The following BTBD9 variants were observed in gnomAD, a reference collection of about 807,000 sequenced individuals.
The protein encoded by BTBD9 is BTB/POZ domain-containing protein 9.
Under a neutral mutation model 64.3 loss-of-function variants are expected in BTBD9, and 49 were observed. That is an observed-to-expected ratio of 0.76 (90% CI 0.61 to 0.97). The LOEUF (loss-of-function observed/expected upper bound fraction) is 0.97, where lower values mean the gene tolerates loss of function less well. BTBD9 is among the 50% of genes least tolerant of loss of function. The probability of loss-of-function intolerance (pLI) is 0.00; values close to 1 mark genes in which losing one functional copy is unlikely to be tolerated. For synonymous variants in BTBD9, 260 were observed against 274.7 expected, an observed-to-expected ratio of 0.95 and a Z score of 0.53; for missense variants, 598 against 762.1, an observed-to-expected ratio of 0.78 and a Z score of 2.53.
intron 4 of BTBD9, chr6:38,587,678 A>G (rs1776597909): frequency 3.2e-6 from 2 of 618,194 alleles, no homozygotes; most frequent in Non-Finnish European, 6.2e-6. Flanking sequence ...AATAAAGTGA[A>G]TCACTTATTG....
intron 9 of BTBD9, among the ~76,000 whole-genome samples, chr6:38,232,874 G>T (rs1011692440): frequency 6.6e-6 from 1 of 152,128 alleles, no homozygotes; most frequent in South Asian, 2.1e-4. Context: ...CTATAGCCCA[G>T]GCTAAACCTG....
At chr6:38,302,492 T>C (rs1762445987) in intron 7 of BTBD9, among the ~76,000 whole-genome samples, 1 of 33,668 alleles carries the variant, frequency 3.0e-5, no homozygotes, top group African/African-American at 9.0e-5. Context: ...TATGTATATA[T>C]ATATATATAT....
chr6:38,518,218 G>A lies in BTBD9; in HGVS notation c.1154+59382C>T, dbSNP rs540083603. Reference sequence around the variant, plus strand: ...GACAAGATCAGGCATTTTCATTAAGGAATAATGCTGTGTAACAGATGTTGT... The same window carrying A: ...GACAAGATCAGGCATTTTCATTAAGAAATAATGCTGTGTAACAGATGTTGT... On this transcript the variant is annotated intron_variant, in intron 6 of 10. Coordinates refer to ENST00000481247, the MANE Select transcript of BTBD9 (RefSeq NM_001099272.2). Among the ~76,000 whole-genome samples, 8 of 152,134 alleles carry A rather than the reference G, an allele frequency of 5.3e-5. No homozygotes were observed. The South Asian group carries it at 1.5e-3, about 28-fold the overall frequency.
intron 7 of BTBD9, among the ~76,000 whole-genome samples, chr6:38,316,898 C>G (rs1430556441): frequency 6.6e-6 from 1 of 152,140 alleles, no homozygotes; most frequent in Non-Finnish European, 1.5e-5. Flanking sequence ...AATCCCTCGC[C>G]TTTTGTTTGT....
rs138869879 is a variant in BTBD9 at position 38,560,201 on chromosome 6, G to A, written c.1154+17399C>T. On this transcript the variant is annotated intron_variant, in intron 6 of 10. Transcript: ENST00000481247. ...AAGGTCTAATATCTAGAATTTATAC[G>A]GAACTTAATTCAACAAGCAAAAAAC... Among the ~76,000 whole-genome samples, 786 of 152,016 alleles carry A rather than the reference G, an allele frequency of 5.2e-3. 10 individuals are homozygous for A. Among genetic ancestry groups the A allele is most frequent in the Middle Eastern group, 0.014 (4 of 294 alleles).
At chr6:38,314,976 G>A (rs1421410279) in intron 7 of BTBD9, among the ~76,000 whole-genome samples, 1 of 152,064 alleles carries the variant, frequency 6.6e-6, no homozygotes, top group Non-Finnish European at 1.5e-5. Context: ...CAGCCTCCAA[G>A]TATCTGGGAC....
intron 6 of BTBD9, among the ~76,000 whole-genome samples, chr6:38,405,287 A>C (rs141118643): frequency 1.3e-5 from 2 of 152,306 alleles, no homozygotes; most frequent in Admixed American, 6.5e-5. Context: ...CAAGGGAAGA[A>C]AATCTGGAAA....
intron 6 of BTBD9, among the ~76,000 whole-genome samples, chr6:38,425,581 T>C (rs1768107750): frequency 6.6e-6 from 1 of 151,762 alleles, no homozygotes; most frequent in Non-Finnish European, 1.5e-5. Context: ...GAGGGAGTTC[T>C]AGTTTGTCCC....
In BTBD9 at chr6:38,521,692, T is replaced by A. The variant is rs529730089; in HGVS notation, c.1154+55908A>T. Among the ~76,000 whole-genome samples the A allele has an allele frequency of 1.7e-4, 26 of 152,156 alleles. No individual in the cohort carries two copies. The East Asian group carries it at 3.9e-3, about 23-fold the overall frequency. ...ACCTCCTCACTACTTCTTTTTTTTTTAAATGGAGTTTTGCTCTTGTCACCC... is the reference window on the plus strand; with the variant it reads ...ACCTCCTCACTACTTCTTTTTTTTTAAAATGGAGTTTTGCTCTTGTCACCC... On this transcript the variant is annotated intron_variant, in intron 6 of 10. Transcript: ENST00000481247.
intron 6 of BTBD9, among the ~76,000 whole-genome samples, chr6:38,543,554 C>T (rs1453655592): frequency 1.3e-5 from 2 of 152,112 alleles, no homozygotes; most frequent in African/African-American, 4.8e-5. Context: ...CTCATTTTTT[C>T]TAATCTAGAG....
intron 8 of BTBD9, among the ~76,000 whole-genome samples, chr6:38,265,500 CTT>C (rs369951977): frequency 6.1e-4 from 81 of 133,808 alleles, no homozygotes; most frequent in Admixed American, 9.1e-4. Flanking sequence ...AACTACCAAT[CTT>C]TTTTTTTTTT....
chr6:38,483,126 C>T (rs1283297501), intron 6 of BTBD9, among the ~76,000 whole-genome samples: 2 of 151,930 alleles, frequency 1.3e-5, no homozygotes, highest in Admixed American at 1.3e-4. Context: ...CTAGGTCCCC[C>T]TCCATCCTCT....
intron 10 of BTBD9, among the ~76,000 whole-genome samples, chr6:38,180,709 C>A (rs1761516649): frequency 6.6e-6 from 1 of 152,250 alleles, no homozygotes; most frequent in African/African-American, 2.4e-5. Context: ...ACTCTGGCCG[C>A]CGCATCAGTC....
At chr6:38,518,091 T>C (rs1368852418) in intron 6 of BTBD9, among the ~76,000 whole-genome samples, 1 of 152,136 alleles carries the variant, frequency 6.6e-6, no homozygotes, top group Admixed American at 6.5e-5. Context: ...CCAGGGCCAA[T>C]ACAGTAGCAA....
At chr6:38,239,667 G>A (rs550504874) in intron 9 of BTBD9, among the ~76,000 whole-genome samples, 1 of 151,976 alleles carries the variant, frequency 6.6e-6, no homozygotes, top group South Asian at 2.1e-4. Flanking sequence ...ACTTTTTTAA[G>A]GCAAGATTAA....
chr6:38,592,577 G>T lies in BTBD9; in HGVS notation c.813C>A (p.Leu271=). The T allele has an allele frequency of 1.2e-6, 2 of 1,613,926 alleles. No homozygotes were observed. Among genetic ancestry groups the T allele is most frequent in the South Asian group, 1.1e-5 (1 of 91,030 alleles). Residue 271 remains leucine, a splice_region_variant and synonymous_variant, in exon 4 of 11, where the codon CTC becomes CTA. Transcript: ENST00000481247. Reference sequence around the variant, plus strand: ...AGTTTAGGATAGACAGGTACTTACTGAGCATGCCTCTATAATTGAGGTCCA... The same window carrying T: ...AGTTTAGGATAGACAGGTACTTACTTAGCATGCCTCTATAATTGAGGTCCA... ...RDMDLNYRGM[L]IPEENIATMK...
At chr6:38,177,858 A>G (rs1232256165) in intron 10 of BTBD9, among the ~76,000 whole-genome samples, 2 of 152,268 alleles carry the variant, frequency 1.3e-5, no homozygotes, top group Non-Finnish European at 2.9e-5. Flanking sequence ...CAAGACTGAC[A>G]GCCAATCTCA....
At position 38,302,485 on chromosome 6, in the gene BTBD9, G is replaced by GTATATATATATATA. The variant is rs59324806; in HGVS notation, c.1265-14038_1265-14025dup. Among the ~76,000 whole-genome samples, 977 of 106,554 alleles carry GTATATATATATATA rather than the reference G, an allele frequency of 9.2e-3. 42 individuals are homozygous for GTATATATATATATA. The highest frequency in any genetic ancestry group is 0.012 in the Non-Finnish European group (634 of 53,174). 69.9% of individuals were successfully genotyped at this position (106,554 alleles called of 152,430 possible). On this transcript the variant is annotated intron_variant, in intron 7 of 10. Coordinates refer to ENST00000481247, the MANE Select transcript of BTBD9 (RefSeq NM_001099272.2). ...CTGAATAATATTCCATTGTGTGTAT[G>GTATATATATATATA]TATATATATATATATATATATATAT...
chr6:38,524,415 G>T (rs1368799955), intron 6 of BTBD9, among the ~76,000 whole-genome samples: 1 of 152,118 alleles, frequency 6.6e-6, no homozygotes, highest in East Asian at 1.9e-4. Flanking sequence ...AAACTGAGTA[G>T]TCTTGCCTGA....
Sources: gnomAD v4.1 joint callset for allele counts (sites outside exome capture counted in the v4.1 genomes callset) on GRCh38, gnomAD v4.1.1 for gene constraint, MANE v1.5 for transcripts, NCBI Gene and HGNC (gene_info 2026-07-23, HGNC 2026-07-21) for gene names.